TBC1D19: variants seen among roughly 807,000 people sequenced by gnomAD.
TBC1D19 encodes the protein TBC1 domain family, member 19.
A neutral mutation model predicts 89.0 loss-of-function variants in TBC1D19; 60 were observed. That is an observed-to-expected ratio of 0.67 (90% confidence interval 0.55 to 0.84). The LOEUF (loss-of-function observed/expected upper bound fraction) is 0.84. Among genes scored for constraint, TBC1D19 ranks in the 40% least tolerant of loss-of-function variants. The pLI, the probability that TBC1D19 is intolerant of heterozygous loss-of-function variation, is 0.00. For missense variants in TBC1D19, 500 were observed against 610.8 expected, an observed-to-expected ratio of 0.82 and a Z score of 1.91; for synonymous variants, 189 against 199.7, an observed-to-expected ratio of 0.95 and a Z score of 0.45.
the TBC1D19 span, among the ~76,000 whole-genome samples, chr4:26,817,981 A>ATATATATATATATATATATATATAT: frequency 1.1e-4 from 14 of 126,048 alleles, no homozygotes; most frequent in African/African-American, 5.1e-4. Context: ...AAAAAAAAAA[A>ATATATATATATATATATATATATAT]ATATATATAT....
At chr4:26,834,542 T>C in the TBC1D19 span, among the ~76,000 whole-genome samples, 1 of 151,726 alleles carries the variant, frequency 6.6e-6, no homozygotes. Context: ...GGCTGGTGGC[T>C]ATGGGGGGCG....
At chr4:26,826,940 GAT>G in the TBC1D19 span, among the ~76,000 whole-genome samples, 1 of 152,328 alleles carries the variant, frequency 6.6e-6, no homozygotes, top group East Asian at 1.9e-4. Flanking sequence ...CCCCTACTGA[GAT>G]ATGAGGCGAG....
At chr4:26,740,232 G>A (rs981514820) in intron 17 of TBC1D19, among the ~76,000 whole-genome samples, 2 of 152,074 alleles carry the variant, frequency 1.3e-5, no homozygotes, top group Non-Finnish European at 2.9e-5. Flanking sequence ...AAATTAGAAT[G>A]TCTGTATTAT....
chr4:26,809,945 C>T, the TBC1D19 span, among the ~76,000 whole-genome samples: 3 of 152,192 alleles, frequency 2.0e-5, no homozygotes, highest in African/African-American at 7.2e-5. Flanking sequence ...CCCACTGCAC[C>T]CTATCACTCA....
intron 13 of TBC1D19, among the ~76,000 whole-genome samples, chr4:26,694,759 C>T (rs143978496): frequency 0.01 from 1,576 of 152,296 alleles, 19 homozygotes; most frequent in African/African-American, 0.035. Context: ...CTGCAGCCTC[C>T]GCTGCTGATA....
At chr4:26,742,361 T>G in intron 17 of TBC1D19, 147 bp from the exon 18 acceptor site, 1 of 590,598 alleles carries the variant, frequency 1.7e-6, no homozygotes, top group Non-Finnish European at 2.8e-6. Context: ...AGAGATTCTT[T>G]AATACATTTC....
intron 15 of TBC1D19, among the ~76,000 whole-genome samples, chr4:26,721,898 A>G (rs770641228): frequency 2.6e-5 from 4 of 151,990 alleles, no homozygotes; most frequent in Non-Finnish European, 1.5e-5. Context: ...ACCTTTCTTC[A>G]CCTGGCTGTC....
chr4:26,784,401 G>T, the TBC1D19 span, among the ~76,000 whole-genome samples: 1 of 152,136 alleles, frequency 6.6e-6, no homozygotes, highest in Non-Finnish European at 1.5e-5. Context: ...AAAAATTATT[G>T]TGTCAGCCTC....
chr4:26,580,131 AT>A (rs548920819), upstream of TBC1D19, among the ~76,000 whole-genome samples: 833 of 152,290 alleles, frequency 5.5e-3, 7 homozygotes, highest in African/African-American at 0.018. Flanking sequence ...AGTCCTCCCC[AT>A]TCACATAAAT....
chr4:26,706,223 T>C (rs376741504), intron 13 of TBC1D19, among the ~76,000 whole-genome samples: 1 of 152,198 alleles, frequency 6.6e-6, no homozygotes, highest in Non-Finnish European at 1.5e-5. Flanking sequence ...ACAGGTCTGT[T>C]CAGATTTTCT....
intron 4 of TBC1D19, among the ~76,000 whole-genome samples, chr4:26,622,955 A>G (rs1389526006): frequency 6.6e-6 from 1 of 152,136 alleles, no homozygotes; most frequent in African/African-American, 2.4e-5. Flanking sequence ...AACACTCTTG[A>G]TAAGGTTTGC....
chr4:26,581,378 C>T (rs1739059263), upstream of TBC1D19, among the ~76,000 whole-genome samples: 1 of 152,120 alleles, frequency 6.6e-6, no homozygotes, highest in Admixed American at 6.5e-5. Context: ...CTTCCCTTGC[C>T]CCCCATCCCC....
At chr4:26,817,539 G>T in the TBC1D19 span, among the ~76,000 whole-genome samples, 1 of 152,148 alleles carries the variant, frequency 6.6e-6, no homozygotes, top group Admixed American at 6.5e-5. Context: ...CCCCCAGGTT[G>T]CTGTGGGGTT....
intron 8 of TBC1D19, 112 bp from the exon 9 acceptor site, chr4:26,666,221 C>A: frequency 1.3e-6 from 1 of 793,510 alleles, no homozygotes; most frequent in Non-Finnish European, 2.0e-6. Context: ...AAAGCAAAGC[C>A]TCATTTCACA....
intron 6 of TBC1D19, 65 bp from the exon 7 acceptor site, chr4:26,640,067 AATGATTAAC>A: frequency 9.6e-7 from 1 of 1,043,220 alleles, no homozygotes; most frequent in African/African-American, 1.6e-5. Context: ...CATGTGAAAG[AATGATTAAC>A]ATTTATTTAA....
At chr4:26,641,927 A>G (rs1743571254) in intron 7 of TBC1D19, among the ~76,000 whole-genome samples, 1 of 152,238 alleles carries the variant, frequency 6.6e-6, no homozygotes, top group African/African-American at 2.4e-5. Context: ...ATATGGGACT[A>G]TGTGAAAAGA....
chr4:26,843,549 C>A, the TBC1D19 span, among the ~76,000 whole-genome samples: 1 of 151,098 alleles, frequency 6.6e-6, no homozygotes, highest in Non-Finnish European at 1.5e-5. Context: ...AATATGACAT[C>A]CGAGATAAAG....
In TBC1D19 at chr4:26,748,599, C is replaced by T. The variant is rs114060287; in HGVS notation, c.1435+73C>T. 6.3e-4 allele frequency: 670 copies of T among 1,062,076 alleles called. 9 individuals are homozygous for T. The African/African-American group carries it at 9.7e-3, about 15-fold the overall frequency. 65.8% of individuals were successfully genotyped at this position (1,062,076 alleles called of 1,614,324 possible). A position where few individuals can be genotyped will look rare whatever the true frequency, so the allele number is the denominator to read the frequency against. On this transcript the variant is annotated intron_variant, in intron 19 of 20. Transcript: ENST00000264866. ...GTCCCCTTTTCTTCCTAACATTCAC[C>T]ATCCGTAACTGGAATTTATTTGTCA...
intron 9 of TBC1D19, among the ~76,000 whole-genome samples, chr4:26,671,193 CT>C (rs1712273060): frequency 6.6e-6 from 1 of 151,652 alleles, no homozygotes; most frequent in South Asian, 2.1e-4. Context: ...TGCTCCACAT[CT>C]TTTACATTTA....
Sources: gnomAD v4.1 joint callset for allele counts (sites outside exome capture counted in the v4.1 genomes callset) on GRCh38, gnomAD v4.1.1 for gene constraint, MANE v1.5 for transcripts, NCBI Gene and HGNC (gene_info 2026-07-23, HGNC 2026-07-21) for gene names.